The following AIG1 variants were observed in gnomAD, a reference collection of about 807,000 sequenced individuals.
AIG1 encodes the protein androgen-induced gene 1 protein.
A neutral mutation model predicts 31.4 loss-of-function variants in AIG1; 23 were observed. The ratio of observed to expected loss-of-function variants is 0.73; its 90% CI spans 0.53 to 1.04. The LOEUF is 1.04. Ranked by LOEUF, AIG1 falls within the 50% of genes least tolerant of loss-of-function variation. The pLI is 0.00. For synonymous variants in AIG1, 100 were observed against 110.5 expected, an observed-to-expected ratio of 0.90 and a Z score of 0.60; for missense variants, 274 against 295.0, an observed-to-expected ratio of 0.93 and a Z score of 0.52.
intron 4 of AIG1, among the ~76,000 whole-genome samples, chr6:143,285,900 T>G (rs1484192544): frequency 6.6e-6 from 1 of 152,042 alleles, no homozygotes; most frequent in African/African-American, 2.4e-5. Context: ...TTCAAATGAG[T>G]GTTATCTTTC....
At chr6:143,175,344 C>T (rs894560384) in intron 3 of AIG1, among the ~76,000 whole-genome samples, 1 of 152,174 alleles carries the variant, frequency 6.6e-6, no homozygotes, top group Non-Finnish European at 1.5e-5. Flanking sequence ...ATTTGGATGT[C>T]CAGATCTCTA....
chr6:143,185,909 C>A (rs1444248070), intron 3 of AIG1, among the ~76,000 whole-genome samples: 1 of 152,202 alleles, frequency 6.6e-6, no homozygotes, highest in African/African-American at 2.4e-5. Context: ...ATTTAATTTT[C>A]TACATCCTTC....
chr6:143,276,833 G>C (rs1214022502), intron 3 of AIG1, among the ~76,000 whole-genome samples: 1 of 152,108 alleles, frequency 6.6e-6, no homozygotes, highest in Non-Finnish European at 1.5e-5. Context: ...AAATTCAGGG[G>C]ATTTTTTTGG....
At chr6:143,215,852 A>G (rs1305899079) in intron 3 of AIG1, among the ~76,000 whole-genome samples, 1 of 152,192 alleles carries the variant, frequency 6.6e-6, no homozygotes, top group Non-Finnish European at 1.5e-5. Context: ...AAGGCCAGAA[A>G]ATAAACATTT....
At chr6:143,223,284 G>A (rs1052135609) in intron 3 of AIG1, among the ~76,000 whole-genome samples, 6 of 152,132 alleles carry the variant, frequency 3.9e-5, no homozygotes, top group Admixed American at 2.0e-4. Context: ...GTTCCAAAAT[G>A]TGGCCTCCCA....
rs546425355 is a variant in AIG1 at position 143,338,045 on chromosome 6, C to T, written c.680-1594C>T. On this transcript the variant is annotated intron_variant, in intron 5 of 5. Coordinates refer to ENST00000357847, the MANE Select transcript of AIG1 (RefSeq NM_016108.4). This position sits in a 1 kb window ranked among gnomAD's most constrained non-coding sequence, Gnocchi z 4.3. ...GTCAATGAATACCCCCCGTTCTCCACCCGCGCTTTTGAAGATTCCAGCACT... is the reference window on the plus strand; with the variant it reads ...GTCAATGAATACCCCCCGTTCTCCATCCGCGCTTTTGAAGATTCCAGCACT... The T allele has an allele frequency of 6.5e-5, 26 of 398,670 alleles. No individual in the cohort carries two copies. Among genetic ancestry groups the T allele is most frequent in the Middle Eastern group, 6.3e-4 (1 of 1,590 alleles). 24.7% of individuals were successfully genotyped at this position (398,670 alleles called of 1,614,324 possible).
chr6:143,071,688 TG>T (rs1202998628), intron 1 of AIG1, among the ~76,000 whole-genome samples: 1,745 of 149,250 alleles, frequency 0.012, 37 homozygotes, highest in African/African-American at 0.041. Context: ...GTTCTTTTTT[TG>T]TTGTTGTTGT....
chr6:143,188,398 G>A (rs1789473018), intron 3 of AIG1: 1 of 985,304 alleles, frequency 1.0e-6, no homozygotes, highest in Non-Finnish European at 1.2e-6. Context: ...TGGTGAAGTT[G>A]GCTGACATTT....
chr6:143,065,068 A>G (rs539980169), intron 1 of AIG1, among the ~76,000 whole-genome samples: 14 of 152,244 alleles, frequency 9.2e-5, no homozygotes, highest in Non-Finnish European at 1.8e-4. Context: ...GAATGTCACA[A>G]GGTCGGTTGA....
intron 3 of AIG1, among the ~76,000 whole-genome samples, chr6:143,210,262 G>A (rs1357921382): frequency 6.6e-6 from 1 of 152,222 alleles, no homozygotes; most frequent in East Asian, 1.9e-4. Flanking sequence ...GCTGAATTAT[G>A]AGTCAAACCT....
chr6:143,186,995 A>G (rs1326621723), intron 3 of AIG1, among the ~76,000 whole-genome samples: 1 of 152,244 alleles, frequency 6.6e-6, no homozygotes, highest in African/African-American at 2.4e-5. Context: ...AGTTAATTTA[A>G]ACAAAATTAA....
chr6:143,244,039 C>G (rs568637122), intron 3 of AIG1, among the ~76,000 whole-genome samples: 1 of 152,262 alleles, frequency 6.6e-6, no homozygotes, highest in South Asian at 2.1e-4. Context: ...GCACTAGTAA[C>G]GCAAAGATGA....
rs1277490227 is a variant in AIG1 at position 143,275,144 on chromosome 6, G to A, written c.400-8966G>A. On this transcript the variant is annotated intron_variant, in intron 3 of 5. Coordinates refer to ENST00000357847, the MANE Select transcript of AIG1 (RefSeq NM_016108.4). The stretch of plus-strand genomic sequence containing the variant: ...TTGTGGAGCTTATTAAAGTAAAGGA[G>A]AAAAAGAAGAGTAGAAAGGGGGAAA... Among the ~76,000 whole-genome samples the A allele has an allele frequency of 2.0e-5, 3 of 152,152 alleles. No individual in the cohort carries two copies. The South Asian group carries it at 6.2e-4, about 32-fold the overall frequency.
At chr6:143,081,005 T>C (rs570853305) in intron 1 of AIG1, among the ~76,000 whole-genome samples, 96 of 152,252 alleles carry the variant, frequency 6.3e-4, no homozygotes, top group Non-Finnish European at 1.2e-3. Flanking sequence ...GATATTTGGC[T>C]AAGGAGGTGA....
chr6:143,282,485 A>G (rs538302523), intron 3 of AIG1, among the ~76,000 whole-genome samples: 22 of 152,232 alleles, frequency 1.4e-4, no homozygotes, highest in Non-Finnish European at 2.6e-4. Flanking sequence ...AAACCAATAG[A>G]TCTTTAAAAT....
intron 3 of AIG1, among the ~76,000 whole-genome samples, chr6:143,192,066 G>A (rs1333532555): frequency 6.6e-6 from 1 of 152,180 alleles, no homozygotes; most frequent in Non-Finnish European, 1.5e-5. Flanking sequence ...ACATAAAAGT[G>A]ATAAAATCAA....
chr6:143,118,787 G>A (rs2128497980), intron 1 of AIG1, among the ~76,000 whole-genome samples: 1 of 152,128 alleles, frequency 6.6e-6, no homozygotes, highest in African/African-American at 2.4e-5. Context: ...AACAAAGAGG[G>A]GCTTGAGTGA....
intron 1 of AIG1, among the ~76,000 whole-genome samples, chr6:143,121,900 G>A (rs1056588212): frequency 6.6e-6 from 1 of 152,038 alleles, no homozygotes; most frequent in East Asian, 1.9e-4. Flanking sequence ...TATAAATTTA[G>A]TAAGCTTCCT....
In AIG1 at chr6:143,338,024, A is replaced by G. The variant is rs886672120; in HGVS notation, c.680-1615A>G. 2 of 398,568 alleles carry G rather than the reference A, an allele frequency of 5.0e-6. No individual in the cohort carries two copies. Among genetic ancestry groups the G allele is most frequent in the Non-Finnish European group, 8.8e-6 (2 of 226,130 alleles). The allele number at this position is 398,568 out of a possible 1,614,324, so 24.7% of individuals were successfully genotyped here. A position where few individuals can be genotyped will look rare whatever the true frequency, so the allele number is the denominator to read the frequency against. On this transcript the variant is annotated intron_variant, in intron 5 of 5. Transcript: ENST00000357847. The surrounding 1 kb of genome is among the most constrained non-coding windows in gnomAD (Gnocchi z 4.3). The stretch of plus-strand genomic sequence containing the variant: ...GAAGCCATTTTCCCTCTCTAGGTCA[A>G]TGAATACCCCCCGTTCTCCACCCGC...
Sources: allele counts gnomAD v4.1 joint callset (sites outside exome capture counted in the v4.1 genomes callset), GRCh38; gene constraint gnomAD v4.1.1; non-coding constraint Gnocchi (gnomAD v3.1); transcripts MANE v1.5; gene names NCBI Gene and HGNC (gene_info 2026-07-23, HGNC 2026-07-21).